Variants in FAM184A observed in about 807,000 individuals in gnomAD.
FAM184A encodes the protein protein FAM184A.
A neutral mutation model predicts 143.8 loss-of-function variants in FAM184A; 99 were observed. The observed-to-expected ratio is 0.69, with a 90% CI of 0.58 to 0.81. The LOEUF (loss-of-function observed/expected upper bound fraction) is 0.81. FAM184A is among the 40% of genes least tolerant of loss of function. FAM184A has a pLI of 0.00. For synonymous variants in FAM184A, 427 were observed against 446.4 expected, an observed-to-expected ratio of 0.96 and a Z score of 0.55; for missense variants, 1,217 against 1,310.5, an observed-to-expected ratio of 0.93 and a Z score of 1.10.
chr6:119,070,970 C>A (rs1362573075), intron 1 of FAM184A, among the ~76,000 whole-genome samples: 2 of 151,938 alleles, frequency 1.3e-5, no homozygotes, highest in East Asian at 3.9e-4. Flanking sequence ...TATCAATACT[C>A]CCCTGGCCCC....
chr6:119,043,225 G>A (rs1010262956), intron 1 of FAM184A, among the ~76,000 whole-genome samples: 20 of 152,094 alleles, frequency 1.3e-4, no homozygotes, highest in Admixed American at 1.1e-3. Flanking sequence ...CAACCAACTG[G>A]CTTTCACTCT....
At chr6:118,986,772 C>A (rs1784209615) in intron 9 of FAM184A, among the ~76,000 whole-genome samples, 1 of 152,114 alleles carries the variant, frequency 6.6e-6, no homozygotes, top group Non-Finnish European at 1.5e-5. Context: ...TAAAAATAAT[C>A]ATATCCTATT....
chr6:119,108,126 TTA>T (rs1788836114), intron 1 of FAM184A, among the ~76,000 whole-genome samples: 1 of 113,968 alleles, frequency 8.8e-6, no homozygotes, highest in Admixed American at 1.2e-4. Context: ...GAAGCACTTG[TTA>T]GTGTGTGTGT....
chr6:119,012,972 CTAAATGT>C (rs1316244218), intron 5 of FAM184A, among the ~76,000 whole-genome samples: 2 of 152,150 alleles, frequency 1.3e-5, no homozygotes, highest in Admixed American at 1.3e-4. Flanking sequence ...TCGTCTTCAG[CTAAATGT>C]TCCTTAAGAG....
At chr6:119,122,792 T>C (rs1789254894) in intron 1 of FAM184A, among the ~76,000 whole-genome samples, 1 of 151,592 alleles carries the variant, frequency 6.6e-6, no homozygotes, top group Admixed American at 6.6e-5. Context: ...CATGGTAGCA[T>C]GCATCTACTC....
intron 11 of FAM184A, among the ~76,000 whole-genome samples, chr6:118,977,564 G>A (rs1783883937): frequency 6.6e-6 from 1 of 152,164 alleles, no homozygotes; most frequent in African/African-American, 2.4e-5. Flanking sequence ...CTGGGCAACA[G>A]AGTGAGACCC....
intron 1 of FAM184A, among the ~76,000 whole-genome samples, chr6:119,106,236 CA>C (rs767165366): frequency 3.6e-4 from 31 of 86,952 alleles, no homozygotes; most frequent in Non-Finnish European, 6.3e-4. Context: ...ACTAAAAATA[CA>C]AAAAATTAGC....
At chr6:119,143,913 T>C (rs766862510) in intron 1 of FAM184A, among the ~76,000 whole-genome samples, 1 of 152,204 alleles carries the variant, frequency 6.6e-6, no homozygotes, top group Non-Finnish European at 1.5e-5. Context: ...GTAAATTTTA[T>C]ATGTGCATTG....
chr6:118,980,029 CAG>C, intron 10 of FAM184A, 107 bp downstream of exon 10: 2 of 787,986 alleles, frequency 2.5e-6, no homozygotes. Flanking sequence ...GCCTGGGTGA[CAG>C]AGTGAGACCC....
At chr6:119,126,404 G>C (rs576244331) in intron 1 of FAM184A, among the ~76,000 whole-genome samples, 1 of 152,224 alleles carries the variant, frequency 6.6e-6, no homozygotes, top group Non-Finnish European at 1.5e-5. Context: ...TTTGCAGCAG[G>C]TGGGAACTGG....
At chr6:119,056,714 CAA>C (rs1426808001) in intron 1 of FAM184A, among the ~76,000 whole-genome samples, 1 of 152,088 alleles carries the variant, frequency 6.6e-6, no homozygotes. Context: ...AGCCAAGAGA[CAA>C]GAGAAGAAAA....
chr6:119,110,457 G>T (rs1358833704), intron 1 of FAM184A, among the ~76,000 whole-genome samples: 1 of 152,134 alleles, frequency 6.6e-6, no homozygotes, highest in Non-Finnish European at 1.5e-5. Flanking sequence ...CTGCAAGAGA[G>T]GTGAGGCAAT....
At chr6:118,984,367 G>A (rs1027829335) in intron 9 of FAM184A, among the ~76,000 whole-genome samples, 2 of 151,490 alleles carry the variant, frequency 1.3e-5, no homozygotes, top group South Asian at 2.1e-4. Context: ...TTCTAGAGAT[G>A]AGGTATCACT....
chr6:119,117,481 C>T (rs543395948), intron 1 of FAM184A, among the ~76,000 whole-genome samples: 3 of 152,324 alleles, frequency 2.0e-5, no homozygotes, highest in South Asian at 4.1e-4. Flanking sequence ...AATGTATAAT[C>T]GGACCCTAAC....
chr6:119,026,950 G>A (rs1162725341), intron 1 of FAM184A, among the ~76,000 whole-genome samples: 2 of 151,954 alleles, frequency 1.3e-5, no homozygotes, highest in Non-Finnish European at 2.9e-5. Context: ...ACCTTTTAAG[G>A]TCTGATAAGA....
chr6:118,984,156 A>ATATATATATATATATATATATTTATATAT (rs1291999363), intron 9 of FAM184A, among the ~76,000 whole-genome samples: 1 of 120,868 alleles, frequency 8.3e-6, no homozygotes, highest in Non-Finnish European at 1.7e-5. Flanking sequence ...ATTTAAAAAA[A>ATATATATATATATATATATATTTATATAT]AAATATATAT....
At chr6:119,060,265 G>A (rs915766833) in intron 1 of FAM184A, among the ~76,000 whole-genome samples, 17 of 152,140 alleles carry the variant, frequency 1.1e-4, no homozygotes, top group African/African-American at 4.1e-4. Context: ...TTACAGGAGT[G>A]GCTACAGGGA....
Position 118,974,530 on chromosome 6 carries a change from T to G in FAM184A, c.2813A>C (p.Asp938Ala), listed in dbSNP as rs1783790743. The G allele has an allele frequency of 6.2e-7, 1 of 1,610,314 alleles. No homozygotes were observed. Among genetic ancestry groups the G allele is most frequent in the Non-Finnish European group, 8.5e-7 (1 of 1,178,368 alleles). ...DLNKRLEKEL[D>A]VMTADHLREK... ...TCTGAGGTGGTCTGCTGTCATGACATCCAACTCTTTTTCAAGTCTCTTGTT... is the reference window on the plus strand; with the variant it reads ...TCTGAGGTGGTCTGCTGTCATGACAGCCAACTCTTTTTCAAGTCTCTTGTT... Residue 938 changes from aspartate to alanine, a missense_variant, in exon 14 of 18, where the codon GAT becomes GCT. Physicochemically the swap from Asp to Ala is moderately radical, Grantham distance 126 (BLOSUM62 -2). Coordinates refer to ENST00000338891, the MANE Select transcript of FAM184A (RefSeq NM_024581.6).
At chr6:118,988,238 AAAC>A (rs1485463701) in intron 9 of FAM184A, among the ~76,000 whole-genome samples, 2 of 152,246 alleles carry the variant, frequency 1.3e-5, no homozygotes, top group African/African-American at 2.4e-5. Context: ...GCTCAAGAGA[AAAC>A]AAGTTGAAAA....
Sources: allele counts gnomAD v4.1 joint callset (sites outside exome capture counted in the v4.1 genomes callset), GRCh38; gene constraint gnomAD v4.1.1; transcripts MANE v1.5; gene names NCBI Gene and HGNC (gene_info 2026-07-23, HGNC 2026-07-21).